The following SP4 variants were observed in gnomAD, a reference collection of about 807,000 sequenced individuals.
SP4 encodes the protein transcription factor Sp4.
SP4 carries 19 observed loss-of-function variants against 72.8 expected under a neutral mutation model. The observed-to-expected ratio is 0.26, with a 90% CI of 0.18 to 0.38. The LOEUF (loss-of-function observed/expected upper bound fraction) is 0.38. SP4 is among the 10% of genes least tolerant of loss of function. The probability of loss-of-function intolerance (pLI) is 1.00; values close to 1 mark genes in which losing one functional copy is unlikely to be tolerated. For synonymous variants in SP4, 395 were observed against 333.1 expected, an observed-to-expected ratio of 1.19 and a Z score of -2.02; for missense variants, 1,008 against 926.3, an observed-to-expected ratio of 1.09 and a Z score of -1.14.
chr7:21,465,496 A>G (rs896810793), intron 3 of SP4, among the ~76,000 whole-genome samples: 1 of 152,222 alleles, frequency 6.6e-6, no homozygotes, highest in Admixed American at 6.5e-5. Flanking sequence ...AGAAGACAGC[A>G]TTAGACAAAG....
intron 3 of SP4, among the ~76,000 whole-genome samples, chr7:21,474,278 A>G (rs1024030785): frequency 2.6e-5 from 4 of 152,190 alleles, no homozygotes; most frequent in East Asian, 1.9e-4. Flanking sequence ...TGACTGTTAT[A>G]TAAATGTTAT....
At chr7:21,508,253 C>G (rs1245689388) in intron 5 of SP4, among the ~76,000 whole-genome samples, 5 of 152,294 alleles carry the variant, frequency 3.3e-5, no homozygotes, top group South Asian at 4.1e-4. Context: ...AACACAGATT[C>G]ACCTGTCCAA....
At chr7:21,491,981 G>A (rs1364460129) in intron 5 of SP4, among the ~76,000 whole-genome samples, 3 of 152,166 alleles carry the variant, frequency 2.0e-5, no homozygotes, top group African/African-American at 7.2e-5. Flanking sequence ...TGTTTTCTCA[G>A]CCACTTGCCA....
At position 21,430,381 on chromosome 7, in the gene SP4, C is replaced by G; in HGVS notation, c.1216C>G (p.Gln406Glu). 6.2e-7 allele frequency: 1 copy of G among 1,614,202 alleles called. No individual in the cohort carries two copies. Among genetic ancestry groups the G allele is most frequent in the Non-Finnish European group, 8.5e-7 (1 of 1,180,026 alleles). The change falls in exon 3 of 6, where the codon CAG becomes GAG. Residue 406 changes from glutamine (Q) to glutamate (E), a missense_variant. By Grantham distance (29) the Gln-to-Glu change is conservative (BLOSUM62 2). Coordinates refer to ENST00000222584, the MANE Select transcript of SP4 (RefSeq NM_003112.5). ...AATTGTAGGCCAACCTATCTTACAG[C>G]AGATCCAGATCCAACAGCCTCAGCA... Reference protein sequence around the residue: ...VQIVGQPILQQIQIQQPQQQI... With the variant: ...VQIVGQPILQEIQIQQPQQQI...
intron 3 of SP4, among the ~76,000 whole-genome samples, chr7:21,435,787 A>G (rs1275749370): frequency 6.6e-6 from 1 of 151,704 alleles, no homozygotes; most frequent in Non-Finnish European, 1.5e-5. Flanking sequence ...CTATTGAATG[A>G]TTTTTTCATG....
chr7:21,428,099 C>T lies in SP4; in HGVS notation c.-153C>T, dbSNP rs1488242866. ...TGCTACGCCACAGCCCAGCGGCGGC[C>T]ATTCGCGGAAAAAGAGGCAGAGCCT... On this transcript the variant is annotated 5_prime_UTR_variant, in exon 1 of 6. Coordinates refer to ENST00000222584, the MANE Select transcript of SP4 (RefSeq NM_003112.5). 1.5e-6 allele frequency: 1 copy of T among 679,076 alleles called. No individual in the cohort carries two copies. The highest frequency in any genetic ancestry group is 2.7e-6 in the Non-Finnish European group (1 of 364,472). 42.1% of individuals were successfully genotyped at this position (679,076 alleles called of 1,614,324 possible).
chr7:21,433,848 G>C (rs1352038925), intron 3 of SP4, among the ~76,000 whole-genome samples: 2 of 152,126 alleles, frequency 1.3e-5, no homozygotes, highest in African/African-American at 4.8e-5. Context: ...GCTGAGGCAG[G>C]AGAATCACTT....
At chr7:21,460,981 A>C (rs1160138879) in intron 3 of SP4, among the ~76,000 whole-genome samples, 1 of 152,090 alleles carries the variant, frequency 6.6e-6, no homozygotes. Context: ...TGATTGGTGC[A>C]TTTCCAAACC....
chr7:21,478,536 A>G (rs781051307), intron 4 of SP4, among the ~76,000 whole-genome samples: 1 of 152,142 alleles, frequency 6.6e-6, no homozygotes, highest in African/African-American at 2.4e-5. Flanking sequence ...AGTACTTGTC[A>G]TTATCTGACT....
chr7:21,450,922 GAAGTA>G (rs899236919), intron 3 of SP4, among the ~76,000 whole-genome samples: 3 of 152,192 alleles, frequency 2.0e-5, no homozygotes, highest in Non-Finnish European at 4.4e-5. Flanking sequence ...GGAATGAAAG[GAAGTA>G]AAGTACATGG....
chr7:21,501,041 A>T (rs1781850245), intron 5 of SP4, among the ~76,000 whole-genome samples: 1 of 152,124 alleles, frequency 6.6e-6, no homozygotes, highest in Admixed American at 6.5e-5. Flanking sequence ...CTAGCATGCA[A>T]ATCCCTCCCC....
Position 21,511,210 on chromosome 7 carries a change from A to T in SP4, c.2296A>T (p.Ile766Phe). The change falls in exon 6 of 6, where the codon ATT becomes TTT. Residue 766 changes from isoleucine (I) to phenylalanine (F), a missense_variant. Around this residue, in one of 3 missense-constraint regions of SP4, gnomAD observed 67 missense variants for 66.1 expected, o/e 1.01. Transcript: ENST00000222584. Reference protein sequence around the residue: ...GSPRIVTVAAISQDSNPATPN... With the variant: ...GSPRIVTVAAFSQDSNPATPN... ...CCCAAGAATTGTCACAGTTGCAGCC[A>T]TTTCTCAAGATTCGAATCCAGCAAC... 1 of 1,614,154 alleles carries T rather than the reference A, an allele frequency of 6.2e-7. No homozygotes were observed. Among genetic ancestry groups the T allele is most frequent in the South Asian group, 1.1e-5 (1 of 91,080 alleles).
chr7:21,506,239 A>G (rs1023408045), intron 5 of SP4, among the ~76,000 whole-genome samples: 2 of 152,184 alleles, frequency 1.3e-5, no homozygotes, highest in African/African-American at 4.8e-5. Context: ...TTGGTGAATT[A>G]GGGAGGAGTG....
intron 3 of SP4, among the ~76,000 whole-genome samples, chr7:21,470,862 A>C (rs988007282): frequency 2.0e-5 from 3 of 152,130 alleles, no homozygotes; most frequent in Non-Finnish European, 4.4e-5. Flanking sequence ...AAATAAAAGA[A>C]CGGCCATCCT....
chr7:21,507,867 T>C (rs1384379282), intron 5 of SP4, among the ~76,000 whole-genome samples: 2 of 152,084 alleles, frequency 1.3e-5, no homozygotes, highest in African/African-American at 4.8e-5. Context: ...CTCTGGCCAT[T>C]CTTTGTCCAT....
intron 3 of SP4, among the ~76,000 whole-genome samples, chr7:21,456,937 C>G (rs1248456193): frequency 6.6e-6 from 1 of 152,062 alleles, no homozygotes; most frequent in Non-Finnish European, 1.5e-5. Flanking sequence ...CCACTGTGGC[C>G]AAGAGGAATA....
intron 3 of SP4, among the ~76,000 whole-genome samples, chr7:21,459,445 G>A (rs1310768782): frequency 6.6e-6 from 1 of 152,118 alleles, no homozygotes; most frequent in Non-Finnish European, 1.5e-5. Flanking sequence ...CACACAAGCT[G>A]CCAGCTTGCC....
rs745731224 is a variant in SP4 at position 21,511,197 on chromosome 7, C to T, written c.2283C>T (p.Val761=). 1 of 1,614,080 alleles carries T rather than the reference C, an allele frequency of 6.2e-7. No individual in the cohort carries two copies. Among genetic ancestry groups the T allele is most frequent in the South Asian group, 1.1e-5 (1 of 91,074 alleles). The change falls in exon 6 of 6, where the codon GTC becomes GTT. Residue 761 remains valine (V), a synonymous_variant. Transcript: ENST00000222584. Reference sequence around the variant, plus strand: ...AGGTGCTTGGCTCCCCAAGAATTGTCACAGTTGCAGCCATTTCTCAAGATT... The same window carrying T: ...AGGTGCTTGGCTCCCCAAGAATTGTTACAGTTGCAGCCATTTCTCAAGATT... ...VTEVLGSPRI[V]TVAAISQDSN...
intron 5 of SP4, among the ~76,000 whole-genome samples, chr7:21,508,356 G>A (rs572555034): frequency 9.9e-5 from 15 of 152,238 alleles, no homozygotes; most frequent in African/African-American, 1.7e-4. Flanking sequence ...AGGCACACCC[G>A]GGGCAGTTAC....
Sources: allele counts gnomAD v4.1 joint callset (sites outside exome capture counted in the v4.1 genomes callset), GRCh38; gene constraint gnomAD v4.1.1; regional missense constraint gnomAD v4.1.1; transcripts MANE v1.5; gene names NCBI Gene and HGNC (gene_info 2026-07-23, HGNC 2026-07-21).